The following PKM variants were observed in gnomAD, a reference collection of about 807,000 sequenced individuals.
The protein encoded by PKM is pyruvate kinase PKM.
A neutral mutation model predicts 49.8 loss-of-function variants in PKM; 18 were observed. That is an observed-to-expected ratio of 0.36 (90% CI 0.25 to 0.54). The LOEUF (loss-of-function observed/expected upper bound fraction) is 0.54, where lower values mean the gene tolerates loss of function less well. PKM is among the 20% of genes least tolerant of loss of function. PKM has a pLI of 0.89. For synonymous variants in PKM, 239 were observed against 261.8 expected, an observed-to-expected ratio of 0.91 and a Z score of 0.84; for missense variants, 508 against 713.8, an observed-to-expected ratio of 0.71 and a Z score of 3.28.
chr15:72,228,678 C>T, intron 1 of PKM: 1 of 1,268,662 alleles, frequency 7.9e-7, no homozygotes, highest in Non-Finnish European at 1.0e-6. Context: ...GTTACATTTC[C>T]CTTCCCCACA....
chr15:72,218,390 G>T (rs2082428795), intron 2 of PKM, among the ~76,000 whole-genome samples: 4 of 152,038 alleles, frequency 2.6e-5, no homozygotes, highest in Admixed American at 2.6e-4. Context: ...GCCTCCCGAA[G>T]TGCTGGATTA....
chr15:72,210,501 A>G, intron 3 of PKM, 23 bp from the exon 4 acceptor site: 2 of 1,613,936 alleles, frequency 1.2e-6, no homozygotes, highest in Non-Finnish European at 1.7e-6. Flanking sequence ...AAGGAAGATG[A>G]CAAGCGTGCT....
At position 72,200,999 on chromosome 15, in the gene PKM, A is replaced by C. The variant is rs1161599518; in HGVS notation, c.1308-344T>G. 1 of 254,736 alleles carries C rather than the reference A, an allele frequency of 3.9e-6. No individual in the cohort carries two copies. The highest frequency in any genetic ancestry group is 7.7e-6 in the Non-Finnish European group (1 of 130,718). 15.8% of individuals were successfully genotyped at this position (254,736 alleles called of 1,614,324 possible). ...TGACACAGAGAGGCAGCCCTGGCCC[A>C]ATGTCACCAGCACCCATTCCTCTCG... On this transcript the variant is annotated intron_variant, in intron 9 of 10. Transcript: ENST00000335181. The surrounding 1 kb of genome is among the most constrained non-coding windows in gnomAD (Gnocchi z 4.6).
chr15:72,209,480 C>G (rs2082187365), intron 5 of PKM, 193 bp downstream of exon 5: 2 of 418,146 alleles, frequency 4.8e-6, no homozygotes, highest in African/African-American at 4.9e-5. Context: ...CCTGTGTTCT[C>G]CAGAACCAGA....
chr15:72,230,133 C>T (rs1034600096), intron 1 of PKM, among the ~76,000 whole-genome samples: 2 of 152,104 alleles, frequency 1.3e-5, no homozygotes, highest in South Asian at 4.1e-4. Flanking sequence ...GGCGGCCACC[C>T]GGCAAGGGCC....
intron 4 of PKM, 102 bp from the exon 5 acceptor site, chr15:72,209,961 A>G (rs2082206952): frequency 4.2e-6 from 4 of 953,508 alleles, no homozygotes; most frequent in East Asian, 4.8e-5. Context: ...ACAATGCTCA[A>G]GTCACTGCTA....
intron 1 of PKM, chr15:72,229,772 A>G (rs2082793490): frequency 9.7e-7 from 1 of 1,027,198 alleles, no homozygotes; most frequent in East Asian, 6.2e-5. Flanking sequence ...CTGACCCCCA[A>G]ACAGCCCTTG....
At chr15:72,217,542 A>G (rs764571724) in intron 2 of PKM, 42 bp from the exon 3 acceptor site, 2 of 1,253,656 alleles carry the variant, frequency 1.6e-6, no homozygotes, top group South Asian at 1.2e-5. Context: ...TAATTATTCA[A>G]AGAAGGAAAA....
At chr15:72,205,643 TTTTC>T in intron 8 of PKM, among the ~76,000 whole-genome samples, 2 of 150,204 alleles carry the variant, frequency 1.3e-5, no homozygotes, top group Non-Finnish European at 1.5e-5. Context: ...TTTTTTTTTT[TTTTC>T]TGTTTTTTCT....
intron 7 of PKM, 120 bp downstream of exon 7, chr15:72,207,007 G>A: frequency 2.7e-6 from 4 of 1,472,768 alleles, no homozygotes; most frequent in Non-Finnish European, 3.8e-6. Flanking sequence ...CATGGGGGAA[G>A]GGGATTATCT....
At chr15:72,207,002 G>A (rs1404712804) in intron 7 of PKM, 122 bp from the exon 8 acceptor site, 1 of 1,474,180 alleles carries the variant, frequency 6.8e-7, no homozygotes, top group Non-Finnish European at 9.5e-7. Context: ...AGGTACATGG[G>A]GGAAGGGGAT....
intron 1 of PKM, among the ~76,000 whole-genome samples, chr15:72,219,606 C>T (rs1233144756): frequency 6.6e-6 from 1 of 152,156 alleles, no homozygotes; most frequent in Admixed American, 6.5e-5. Flanking sequence ...CGTGGGGCAC[C>T]CATATTGCCT....
intron 1 of PKM, among the ~76,000 whole-genome samples, chr15:72,224,633 C>T (rs564721041): frequency 1.2e-4 from 18 of 152,184 alleles, no homozygotes; most frequent in South Asian, 6.2e-4. Context: ...AAGGCTGAGG[C>T]GGGCAGATCA....
chr15:72,206,315 G>A, intron 8 of PKM: 1 of 206,994 alleles, frequency 4.8e-6, no homozygotes, highest in African/African-American at 2.3e-5. Context: ...GGGCAGCTGG[G>A]AGCAGGAGCC....
chr15:72,206,604 T>A (rs1398723539), intron 8 of PKM, 124 bp downstream of exon 8: 1 of 957,924 alleles, frequency 1.0e-6, no homozygotes, highest in Non-Finnish European at 1.6e-6. Context: ...CTGCTGTAAC[T>A]TGGAGGATAA....
intron 1 of PKM, among the ~76,000 whole-genome samples, chr15:72,225,243 CT>C (rs1260812738): frequency 4.6e-5 from 7 of 151,774 alleles, no homozygotes; most frequent in Non-Finnish European, 7.4e-5. Flanking sequence ...GCCCTCTTTA[CT>C]TTCTAAAAAC....
intron 1 of PKM, among the ~76,000 whole-genome samples, chr15:72,226,511 T>C (rs2082674298): frequency 6.6e-6 from 1 of 152,078 alleles, no homozygotes; most frequent in African/African-American, 2.4e-5. Flanking sequence ...GCCTGGGTCA[T>C]GGTGCGAGAC....
intron 1 of PKM, among the ~76,000 whole-genome samples, chr15:72,227,564 T>G (rs1475403060): frequency 6.6e-6 from 1 of 151,666 alleles, no homozygotes; most frequent in Non-Finnish European, 1.5e-5. Flanking sequence ...GCCAACATGG[T>G]GAAACCCCAT....
At chr15:72,220,379 G>T (rs1175736255) in intron 1 of PKM, among the ~76,000 whole-genome samples, 1 of 152,042 alleles carries the variant, frequency 6.6e-6, no homozygotes, top group Non-Finnish European at 1.5e-5. Flanking sequence ...CTCTGACTTT[G>T]TGGGCTCTCT....
Sources: gnomAD v4.1 joint callset for allele counts (sites outside exome capture counted in the v4.1 genomes callset) on GRCh38, gnomAD v4.1.1 for gene constraint, Gnocchi (gnomAD v3.1) non-coding constraint, MANE v1.5 for transcripts, NCBI Gene and HGNC (gene_info 2026-07-23, HGNC 2026-07-21) for gene names.